The following ALG12 variants were observed in gnomAD, a reference collection of about 807,000 sequenced individuals.
The protein encoded by ALG12 is dol-P-Man:Man(7)GlcNAc(2)-PP-Dol alpha-1,6-mannosyltransferase.
ALG12 carries 36 observed loss-of-function variants against 46.0 expected under a neutral mutation model. The observed-to-expected ratio is 0.78, with a 90% CI of 0.60 to 1.03. The LOEUF is 1.03. Among genes scored for constraint, ALG12 ranks in the 50% least tolerant of loss-of-function variants. The probability of loss-of-function intolerance (pLI) is 0.00; values close to 1 mark genes in which losing one functional copy is unlikely to be tolerated. For synonymous variants in ALG12, 326 were observed against 291.6 expected, an observed-to-expected ratio of 1.12 and a Z score of -1.20; for missense variants, 599 against 633.5, an observed-to-expected ratio of 0.95 and a Z score of 0.58.
the ALG12 span, among the ~76,000 whole-genome samples, chr22:49,880,112 G>T: frequency 7.8e-6 from 1 of 128,472 alleles, no homozygotes; most frequent in Non-Finnish European, 1.8e-5. Flanking sequence ...ATCATAGACC[G>T]TTTCCTCCTC....
chr22:49,880,610 C>T, the ALG12 span, among the ~76,000 whole-genome samples: 3 of 152,250 alleles, frequency 2.0e-5, no homozygotes, highest in African/African-American at 7.2e-5. Context: ...TATGAGTTGT[C>T]TGAGGTCAAC....
In ALG12 at chr22:49,903,921, G is replaced by T; in HGVS notation, c.1384C>A (p.Leu462Met). 1 of 1,614,216 alleles carries T rather than the reference G, an allele frequency of 6.2e-7. No individual in the cohort carries two copies. Among genetic ancestry groups the T allele is most frequent in the Non-Finnish European group, 8.5e-7 (1 of 1,180,014 alleles). ...ASVVGTTGVS[L>M]NLTQLPPFNV... ...AAGGGGGGCAGTTGGGTCAGGTTCA[G>T]ACTCACACCTGTGGTCCCCACGACG... Residue 462 changes from leucine to methionine, a missense_variant, in exon 10 of 10, where the codon CTG becomes ATG. Physicochemically the swap from Leu to Met is conservative, Grantham distance 15. Coordinates refer to ENST00000330817, the MANE Select transcript of ALG12 (RefSeq NM_024105.4).
At chr22:49,880,438 A>G in the ALG12 span, among the ~76,000 whole-genome samples, 1 of 152,176 alleles carries the variant, frequency 6.6e-6, no homozygotes, top group Non-Finnish European at 1.5e-5. Context: ...GGCTCTGCCA[A>G]GTTCCGACTC....
chr22:49,883,862 G>A, the ALG12 span: 10 of 1,607,580 alleles, frequency 6.2e-6, no homozygotes, highest in Non-Finnish European at 8.5e-6. Context: ...ACGGGTTGCA[G>A]CTGCAAGCCC....
At chr22:49,918,232 G>A (rs1025491628) in intron 1 of ALG12, 31 bp downstream of exon 1, 1 of 152,332 alleles carries the variant, frequency 6.6e-6, no homozygotes, top group African/African-American at 2.4e-5. Context: ...GCGCCCGCCT[G>A]AAGGCCCCGG....
chr22:49,884,872 G>A, the ALG12 span: 4 of 1,606,788 alleles, frequency 2.5e-6, no homozygotes, highest in South Asian at 3.3e-5. Context: ...CTTGAACCCT[G>A]GAGATGGGCT....
chr22:49,859,546 G>A, the ALG12 span, among the ~76,000 whole-genome samples: 4 of 152,180 alleles, frequency 2.6e-5, no homozygotes, highest in South Asian at 8.3e-4. Context: ...TCTCCACAGC[G>A]CCTGGGTTCC....
At chr22:49,878,456 T>TA in the ALG12 span, among the ~76,000 whole-genome samples, 2 of 152,110 alleles carry the variant, frequency 1.3e-5, no homozygotes, top group Non-Finnish European at 2.9e-5. Flanking sequence ...GATCCACACA[T>TA]ATGCGAGCAA....
downstream of ALG12, among the ~76,000 whole-genome samples, chr22:49,895,542 C>T (rs2060480460): frequency 6.6e-6 from 1 of 151,948 alleles, no homozygotes; most frequent in South Asian, 2.1e-4. Flanking sequence ...GTCCCAGCTA[C>T]TCAGGAGGCT....
chr22:49,916,398 T>C (rs55972549), intron 1 of ALG12, among the ~76,000 whole-genome samples: 35,195 of 152,032 alleles, frequency 0.23, 4,525 homozygotes, highest in African/African-American at 0.35. Context: ...CTAGCCAGCA[T>C]GGTGAAACCT....
intron 5 of ALG12, 57 bp from the exon 6 acceptor site, chr22:49,909,404 G>T (rs867271660): frequency 7.9e-6 from 12 of 1,513,254 alleles, no homozygotes; most frequent in Middle Eastern, 1.7e-4. Flanking sequence ...TAAACATCCC[G>T]CCACAATGCA....
intron 4 of ALG12, 139 bp downstream of exon 4, chr22:49,910,295 T>C: frequency 1.5e-6 from 2 of 1,309,154 alleles, no homozygotes; most frequent in Non-Finnish European, 2.1e-6. Context: ...AGAGCCTGGT[T>C]TCAGGTCACA....
the ALG12 span, among the ~76,000 whole-genome samples, chr22:49,890,674 G>T: frequency 1.3e-5 from 2 of 152,178 alleles, no homozygotes; most frequent in Non-Finnish European, 2.9e-5. Context: ...TTTCCTGGGT[G>T]TGTTTTTGCT....
chr22:49,899,310 A>T (rs1004592386), downstream of ALG12, among the ~76,000 whole-genome samples: 2 of 152,012 alleles, frequency 1.3e-5, no homozygotes, highest in Non-Finnish European at 2.9e-5. Flanking sequence ...CCCTGTCTCT[A>T]CTAAAAATAC....
At chr22:49,912,158 C>T (rs572306281) in intron 3 of ALG12, among the ~76,000 whole-genome samples, 14 of 152,210 alleles carry the variant, frequency 9.2e-5, no homozygotes, top group East Asian at 7.7e-4. Flanking sequence ...GGATCACCCT[C>T]GGCCCCAGGA....
At chr22:49,889,176 C>G in the ALG12 span, 3 of 167,134 alleles carry the variant, frequency 1.8e-5, no homozygotes. Flanking sequence ...GACACAGTCT[C>G]TAGTCTCACA....
the ALG12 span, among the ~76,000 whole-genome samples, chr22:49,869,860 C>T: frequency 8.5e-5 from 13 of 152,280 alleles, no homozygotes; most frequent in East Asian, 2.1e-3. Context: ...TGCAGGTTCA[C>T]GACATGGTAT....
chr22:49,903,899 G>C lies in ALG12; in HGVS notation c.1406C>G (p.Pro469Arg), dbSNP rs752526990. 5 of 1,614,238 alleles carry C rather than the reference G, an allele frequency of 3.1e-6. No individual in the cohort carries two copies. The highest frequency in any genetic ancestry group is 4.2e-6 in the Non-Finnish European group (5 of 1,180,026). Residue 469 changes from proline (P) to arginine (R), a missense_variant, in exon 10 of 10, where the codon CCC becomes CGC. Physicochemically the swap from Pro to Arg is moderately radical, Grantham distance 103. Coordinates refer to ENST00000330817, the MANE Select transcript of ALG12 (RefSeq NM_024105.4). ...CTTTGTCTGCAGGTGGACGTTGAAG[G>C]GGGGCAGTTGGGTCAGGTTCAGACT... is the stretch of plus-strand genomic sequence containing the variant. ...GVSLNLTQLPPFNVHLQTKLV... is the reference protein window; with the variant it reads ...GVSLNLTQLPRFNVHLQTKLV...
At chr22:49,893,939 G>A in the ALG12 span, among the ~76,000 whole-genome samples, 9 of 152,080 alleles carry the variant, frequency 5.9e-5, no homozygotes, top group Non-Finnish European at 1.0e-4. Context: ...CAAGGCAGGC[G>A]GATCACCTGA....
Sources: allele counts gnomAD v4.1 joint callset (sites outside exome capture counted in the v4.1 genomes callset), GRCh38; gene constraint gnomAD v4.1.1; transcripts MANE v1.5; gene names NCBI Gene and HGNC (gene_info 2026-07-23, HGNC 2026-07-21).